The following SCNN1B variants were observed in gnomAD, a reference collection of about 807,000 sequenced individuals.
The protein encoded by SCNN1B is sodium channel epithelial 1 subunit beta, also known as epithelial sodium channel subunit beta.
SCNN1B carries 46 observed loss-of-function variants against 65.3 expected under a neutral mutation model. The ratio of observed to expected loss-of-function variants is 0.70; its 90% CI spans 0.56 to 0.90. SCNN1B has a LOEUF of 0.90. Ranked by LOEUF, SCNN1B falls within the 40% of genes least tolerant of loss-of-function variation. SCNN1B has a pLI of 0.00. For missense variants in SCNN1B, 751 were observed against 830.5 expected (o/e 0.90, Z 1.18); for synonymous variants, 349 against 330.6 (o/e 1.06, Z -0.60).
At chr16:23,281,941 C>T (rs1960790144) in intron 1 of SCNN1B, among the ~76,000 whole-genome samples, 1 of 152,090 alleles carries the variant, frequency 6.6e-6, no homozygotes, top group South Asian at 2.1e-4. Context: ...CCTGTAATCC[C>T]AGCACTTTGG....
chr16:23,322,803 T>C (rs1173873386), intron 1 of SCNN1B, among the ~76,000 whole-genome samples: 1 of 152,136 alleles, frequency 6.6e-6, no homozygotes, highest in Admixed American at 6.6e-5. Flanking sequence ...AAAATACATG[T>C]GTATAGCAAA....
At chr16:23,291,609 C>G (rs1960926166) in intron 2 of SCNN1B, among the ~76,000 whole-genome samples, 1 of 151,132 alleles carries the variant, frequency 6.6e-6, no homozygotes, top group Non-Finnish European at 1.5e-5. Context: ...GGGTCTCGCT[C>G]TGTTGCCCAG....
chr16:23,278,301 T>C (rs1267713653), exon 1 of SCNN1B: 4 of 152,196 alleles, frequency 2.6e-5, no homozygotes, highest in Non-Finnish European at 4.4e-5. Context: ...CTCTAAGTTG[T>C]TGCCAAGAAG....
At chr16:23,364,887 A>G (rs1212539588) in intron 4 of SCNN1B, among the ~76,000 whole-genome samples, 3 of 151,968 alleles carry the variant, frequency 2.0e-5, no homozygotes, top group Admixed American at 2.0e-4. Flanking sequence ...GCACTTTGGG[A>G]GGCTGAGGTG....
chr16:23,380,221 C>A lies in SCNN1B; in HGVS notation c.1542+52C>A. On this transcript the variant is annotated intron_variant, in intron 12 of 12. Coordinates refer to ENST00000343070, the MANE Select transcript of SCNN1B (RefSeq NM_000336.3). The surrounding 1 kb of genome is among the most constrained non-coding windows in gnomAD (Gnocchi z 5.4). The stretch of plus-strand genomic sequence containing the variant: ...CAGCCCTGCCCTGCCCTGACCCCTG[C>A]ACCCTGAGGGTGGGGGAAGGGTTCT... 6.5e-7 allele frequency: 1 copy of A among 1,541,240 alleles called. No individual in the cohort carries two copies. The highest frequency in any genetic ancestry group is 2.2e-5 in the East Asian group (1 of 44,524).
chr16:23,298,997 G>A (rs114499643), upstream of SCNN1B, among the ~76,000 whole-genome samples: 5,878 of 151,070 alleles, frequency 0.039, 407 homozygotes, highest in African/African-American at 0.13. Context: ...CAAAAATAAC[G>A]TATTGGGTTG....
intron 7 of SCNN1B, among the ~76,000 whole-genome samples, chr16:23,372,608 C>G (rs954045417): frequency 2.6e-5 from 4 of 151,508 alleles, no homozygotes; most frequent in African/African-American, 9.7e-5. Context: ...AATTCTCTGC[C>G]TCAGCCTCCC....
intron 11 of SCNN1B, among the ~76,000 whole-genome samples, chr16:23,379,872 G>A (rs938862869): frequency 7.2e-5 from 11 of 152,174 alleles, no homozygotes; most frequent in East Asian, 1.9e-4. Flanking sequence ...CCCCACTCAC[G>A]GGGGCACGCA....
At chr16:23,373,704 T>C (rs1567317202) in intron 7 of SCNN1B, among the ~76,000 whole-genome samples, 1 of 152,162 alleles carries the variant, frequency 6.6e-6, no homozygotes, top group African/African-American at 2.4e-5. Context: ...GTTTGCCCTT[T>C]CCCCGTAGGA....
Position 23,348,802 on chromosome 16 carries a change from G to A in SCNN1B, c.203G>A (p.Gly68Asp), listed in dbSNP as rs866178411. 6.2e-7 allele frequency: 1 copy of A among 1,614,172 alleles called. No homozygotes were observed. The highest frequency in any genetic ancestry group is 8.5e-7 in the Non-Finnish European group (1 of 1,180,032). ...LFAALVCWQWGIFIRTYLSWE... is the reference protein window; with the variant it reads ...LFAALVCWQWDIFIRTYLSWE... ...GCCGCCCTCGTCTGCTGGCAGTGGG[G>A]CATCTTCATCAGGACCTACTTGAGC... is the stretch of plus-strand genomic sequence containing the variant. The change falls in exon 2 of 13, where the codon GGC (glycine) becomes GAC (aspartate). Residue 68 changes from glycine (G) to aspartate (D), a missense_variant. Coordinates refer to ENST00000343070, the MANE Select transcript of SCNN1B (RefSeq NM_000336.3). The surrounding 1 kb of genome is among the most constrained non-coding windows in gnomAD (Gnocchi z 4.5).
chr16:23,377,150 C>T lies in SCNN1B; in HGVS notation c.1271-15C>T. 5 of 1,613,028 alleles carry T rather than the reference C, an allele frequency of 3.1e-6. No homozygotes were observed. The highest frequency in any genetic ancestry group is 4.2e-6 in the Non-Finnish European group (5 of 1,179,548). ...CCCCTTAAACCTCTTGGCCGCCTTTCTGTCTCCTGCGCAGCCCATTGCTAC... is the reference window on the plus strand; with the variant it reads ...CCCCTTAAACCTCTTGGCCGCCTTTTTGTCTCCTGCGCAGCCCATTGCTAC... On this transcript the variant is annotated splice_polypyrimidine_tract_variant and intron_variant, in intron 8 of 12. Coordinates refer to ENST00000343070, the MANE Select transcript of SCNN1B (RefSeq NM_000336.3).
At chr16:23,331,673 C>T (rs921991534) in intron 1 of SCNN1B, among the ~76,000 whole-genome samples, 1 of 152,164 alleles carries the variant, frequency 6.6e-6, no homozygotes, top group Non-Finnish European at 1.5e-5. Flanking sequence ...TGATTCAACA[C>T]CTCCCAAAGG....
chr16:23,352,734 C>T, intron 2 of SCNN1B, 67 bp from the exon 3 acceptor site: 1 of 1,570,358 alleles, frequency 6.4e-7, no homozygotes, highest in Admixed American at 1.7e-5. Context: ...GAGTGGGTCC[C>T]AGATTTCATT....
intron 2 of SCNN1B, among the ~76,000 whole-genome samples, chr16:23,351,870 C>T (rs1022397230): frequency 2.0e-5 from 3 of 150,404 alleles, no homozygotes; most frequent in Admixed American, 6.6e-5. Context: ...CAAAGTTGCT[C>T]CCCCCTGGGA....
chr16:23,301,972 C>G (rs1273865875), upstream of SCNN1B, among the ~76,000 whole-genome samples: 1 of 152,048 alleles, frequency 6.6e-6, no homozygotes, highest in African/African-American at 2.4e-5. Flanking sequence ...GACAGGTACA[C>G]GCGTGGGGTG....
At chr16:23,308,715 A>G (rs1184212679) in intron 1 of SCNN1B, among the ~76,000 whole-genome samples, 1 of 151,996 alleles carries the variant, frequency 6.6e-6, no homozygotes, top group Non-Finnish European at 1.5e-5. Flanking sequence ...GCTCACTGCA[A>G]CCTCCACCTC....
Position 23,343,486 on chromosome 16 carries a change from G to GGAAGGAAGGAAGGAAGGAAGGAA in SCNN1B, c.-8-5105_-8-5083dup, listed in dbSNP as rs1409276414. Among the ~76,000 whole-genome samples the GGAAGGAAGGAAGGAAGGAAGGAA allele has an allele frequency of 1.8e-4, 19 of 108,108 alleles. 2 individuals carry two copies. The highest frequency in any genetic ancestry group is 7.2e-4 in the African/African-American group (19 of 26,400). The allele number at this position is 108,108 out of a possible 152,430, so 70.9% of individuals were successfully genotyped here. On this transcript the variant is annotated intron_variant, in intron 1 of 12. Coordinates refer to ENST00000343070, the MANE Select transcript of SCNN1B (RefSeq NM_000336.3). ...AAAGGAAAAGAAAGAAAGGAAGGAA[G>GGAAGGAAGGAAGGAAGGAAGGAA]GAAGGAAGGAAGGAAGGAAGGAAAA...
chr16:23,335,826 A>T (rs1020297675), intron 1 of SCNN1B, among the ~76,000 whole-genome samples: 2 of 151,848 alleles, frequency 1.3e-5, no homozygotes, highest in Admixed American at 1.3e-4. Context: ...TTAACTGTAT[A>T]TATTGACAAC....
Position 23,375,810 on chromosome 16 carries a change from C to T in SCNN1B, c.1225C>T (p.Pro409Ser), listed in dbSNP as rs760960385. Residue 409 changes from proline (P) to serine (S), a missense_variant, in exon 8 of 13, where the codon CCC (proline) becomes TCC (serine). Transcript: ENST00000343070. ...CTGTGGCCACTACCTGTACCCACTGCCCCGTGGGGAGAAATACTGCAACAA... is the reference window on the plus strand; with the variant it reads ...CTGTGGCCACTACCTGTACCCACTGTCCCGTGGGGAGAAATACTGCAACAA... ...CNCGHYLYPL[P>S]RGEKYCNNRD... 2.5e-6 allele frequency: 4 copies of T among 1,614,012 alleles called. No individual in the cohort carries two copies. The highest frequency in any genetic ancestry group is 2.2e-5 in the East Asian group (1 of 44,892).
Sources: gnomAD v4.1 joint callset for allele counts (sites outside exome capture counted in the v4.1 genomes callset) on GRCh38, gnomAD v4.1.1 for gene constraint, Gnocchi (gnomAD v3.1) non-coding constraint, MANE v1.5 for transcripts, NCBI Gene and HGNC (gene_info 2026-07-23, HGNC 2026-07-21) for gene names.